SUGCT: variants seen among roughly 807,000 people sequenced by gnomAD.
SUGCT encodes the protein succinyl-CoA:glutarate-CoA transferase.
Under a neutral mutation model 55.0 loss-of-function variants are expected in SUGCT, and 41 were observed. The ratio of observed to expected loss-of-function variants is 0.74; its 90% CI spans 0.58 to 0.97. The LOEUF is 0.97. Among genes scored for constraint, SUGCT ranks in the 50% least tolerant of loss-of-function variants. SUGCT has a pLI of 0.00. For synonymous variants in SUGCT, 187 were observed against 200.4 expected (o/e 0.93, Z 0.56); for missense variants, 568 against 547.8 (o/e 1.04, Z -0.37).
At chr7:40,632,850 A>C (rs2151812154) in intron 12 of SUGCT, among the ~76,000 whole-genome samples, 1 of 152,286 alleles carries the variant, frequency 6.6e-6, no homozygotes, top group South Asian at 2.1e-4. Flanking sequence ...AGTATTCTTA[A>C]GTGTCACTAG....
chr7:40,579,927 C>T (rs1029593398), intron 12 of SUGCT, among the ~76,000 whole-genome samples: 1 of 152,168 alleles, frequency 6.6e-6, no homozygotes, highest in Non-Finnish European at 1.5e-5. Flanking sequence ...TGAAATAATT[C>T]ACCTATCAGG....
In SUGCT at chr7:40,377,190, CTTTCTTTCTTTTCTTTTCTTTTCTTTCT is replaced by C. The variant is rs1562728527; in HGVS notation, c.816+60347_816+60374del. 8.0e-4 allele frequency among the ~76,000 whole-genome samples: 8 copies of C among 9,978 alleles called. No individual in the cohort carries two copies. The Non-Finnish European group carries it at 0.01, about 13-fold the overall frequency. 6.5% of individuals were successfully genotyped at this position (9,978 alleles called of 152,430 possible). The stretch of plus-strand genomic sequence containing the variant: ...TCTTTCTTTCTTTCTTTCTTTCTTT[CTTTCTTTCTTTTCTTTTCTTTTCTTTCT>C]TTTCTTTCTTTCTTCCCTTCCTTCC... On this transcript the variant is annotated intron_variant, in intron 9 of 13. Coordinates refer to ENST00000335693, the MANE Select transcript of SUGCT (RefSeq NM_001193313.2).
At chr7:40,250,726 G>C (rs1181017861) in intron 7 of SUGCT, among the ~76,000 whole-genome samples, 1 of 151,776 alleles carries the variant, frequency 6.6e-6, no homozygotes, top group Non-Finnish European at 1.5e-5. Flanking sequence ...CTCCAGTTTG[G>C]CTACTGTTTA....
chr7:40,568,730 A>G (rs988303560), intron 12 of SUGCT, among the ~76,000 whole-genome samples: 2 of 152,234 alleles, frequency 1.3e-5, no homozygotes, highest in African/African-American at 4.8e-5. Flanking sequence ...TATTAGAAAG[A>G]TGATGGAGAT....
At chr7:40,262,369 G>A (rs1341028586) in intron 7 of SUGCT, among the ~76,000 whole-genome samples, 7 of 151,624 alleles carry the variant, frequency 4.6e-5, no homozygotes, top group African/African-American at 1.5e-4. Flanking sequence ...AAGCCATACC[G>A]GCTGGGCGCG....
the SUGCT span, among the ~76,000 whole-genome samples, chr7:40,883,632 A>T: frequency 3.3e-5 from 5 of 152,220 alleles, no homozygotes; most frequent in African/African-American, 1.2e-4. Flanking sequence ...GGCCTTGTTA[A>T]ATGTTGGCTG....
At chr7:40,214,080 G>A (rs184101119) in intron 6 of SUGCT, among the ~76,000 whole-genome samples, 16 of 152,216 alleles carry the variant, frequency 1.1e-4, no homozygotes, top group African/African-American at 2.4e-4. Flanking sequence ...TGAACTCAGC[G>A]GTTTGAACCA....
In SUGCT at chr7:40,775,100, C is replaced by G. The variant is rs113435375; in HGVS notation, c.1153+25603C>G. Among the ~76,000 whole-genome samples, 502 of 152,220 alleles carry G rather than the reference C, an allele frequency of 3.3e-3. 4 individuals carry two copies. The highest frequency in any genetic ancestry group is 0.011 in the African/African-American group (476 of 41,512). On this transcript the variant is annotated intron_variant, in intron 13 of 13. Coordinates refer to ENST00000335693, the MANE Select transcript of SUGCT (RefSeq NM_001193313.2). Reference sequence around the variant, plus strand: ...TCTACACAGAAGAGATGCCACATAACAAATGCAAAAGCTTTTATTTGAGAG... The same window carrying G: ...TCTACACAGAAGAGATGCCACATAAGAAATGCAAAAGCTTTTATTTGAGAG...
At chr7:41,026,803 G>A in the SUGCT span, among the ~76,000 whole-genome samples, 1 of 152,138 alleles carries the variant, frequency 6.6e-6, no homozygotes, top group African/African-American at 2.4e-5. Flanking sequence ...GGAGGCCGAG[G>A]CAGGTAGATC....
chr7:40,901,168 C>T, the SUGCT span, among the ~76,000 whole-genome samples: 1 of 152,172 alleles, frequency 6.6e-6, no homozygotes, highest in Non-Finnish European at 1.5e-5. Flanking sequence ...TACATGGACT[C>T]TCAGCAGAAC....
the SUGCT span, among the ~76,000 whole-genome samples, chr7:40,876,827 G>C: frequency 6.6e-6 from 1 of 152,172 alleles, no homozygotes; most frequent in South Asian, 2.1e-4. Context: ...TAGAGCCACA[G>C]GTTCCTGCTG....
At chr7:40,185,866 C>T (rs538182627) in intron 3 of SUGCT, among the ~76,000 whole-genome samples, 1 of 152,016 alleles carries the variant, frequency 6.6e-6, no homozygotes, top group Non-Finnish European at 1.5e-5. Context: ...CCTGTCTTCA[C>T]CCTTCTGATT....
chr7:40,569,713 A>G (rs1796339406), intron 12 of SUGCT, among the ~76,000 whole-genome samples: 1 of 152,232 alleles, frequency 6.6e-6, no homozygotes, highest in South Asian at 2.1e-4. Flanking sequence ...TTATAAAAAA[A>G]AAACTTTGAC....
At chr7:40,252,640 GT>G (rs1241758509) in intron 7 of SUGCT, among the ~76,000 whole-genome samples, 1 of 152,000 alleles carries the variant, frequency 6.6e-6, no homozygotes, top group Non-Finnish European at 1.5e-5. Flanking sequence ...TAGGAATTTG[GT>G]TTATTAAAAC....
At chr7:40,180,506 TC>T (rs1378806148) in intron 1 of SUGCT, among the ~76,000 whole-genome samples, 2 of 151,774 alleles carry the variant, frequency 1.3e-5, no homozygotes, top group Non-Finnish European at 2.9e-5. Context: ...TTTTTTTTTT[TC>T]GAGACAGAGC....
chr7:40,221,866 A>G (rs1367621359), intron 6 of SUGCT, among the ~76,000 whole-genome samples: 4 of 152,238 alleles, frequency 2.6e-5, no homozygotes, highest in African/African-American at 9.6e-5. Context: ...AAAATTTATA[A>G]TCTGATGGCA....
intron 12 of SUGCT, among the ~76,000 whole-genome samples, chr7:40,741,498 A>G (rs1787456510): frequency 6.6e-6 from 1 of 152,230 alleles, no homozygotes; most frequent in South Asian, 2.1e-4. Context: ...TTGCTGAGAT[A>G]TAAAGCAACT....
intron 12 of SUGCT, among the ~76,000 whole-genome samples, chr7:40,564,116 G>A (rs549578643): frequency 3.5e-4 from 53 of 152,360 alleles, no homozygotes; most frequent in African/African-American, 1.2e-3. Context: ...GCTCACGCCT[G>A]TAATCCCAGC....
chr7:40,566,001 A>ACGCGCGCG (rs1041435733), intron 12 of SUGCT, among the ~76,000 whole-genome samples: 1 of 142,602 alleles, frequency 7.0e-6, no homozygotes, highest in African/African-American at 2.5e-5. Context: ...ACGCACACAC[A>ACGCGCGCG]CACACACACA....
Sources: allele counts gnomAD v4.1 joint callset (sites outside exome capture counted in the v4.1 genomes callset), GRCh38; gene constraint gnomAD v4.1.1; transcripts MANE v1.5; gene names NCBI Gene and HGNC (gene_info 2026-07-23, HGNC 2026-07-21).